Variants in NOTCH1 observed in about 807,000 individuals in gnomAD.
NOTCH1 encodes the protein neurogenic locus notch homolog protein 1.
NOTCH1 carries 37 observed loss-of-function variants against 254.8 expected under a neutral mutation model. That is an observed-to-expected ratio of 0.15 (90% confidence interval 0.11 to 0.19). NOTCH1 has a LOEUF of 0.19. Among genes scored for constraint, NOTCH1 ranks in the 10% least tolerant of loss-of-function variants. The pLI, the probability that NOTCH1 is intolerant of heterozygous loss-of-function variation, is 1.00. For synonymous variants in NOTCH1, 1,731 were observed against 1,618.1 expected (o/e 1.07, Z -1.68); for missense variants, 2,972 against 3,708.6 (o/e 0.80, Z 5.16).
At chr9:136,503,515 C>A (rs1015588169) in intron 26 of NOTCH1, among the ~76,000 whole-genome samples, 185 bp from the exon 27 acceptor site, 1 of 152,166 alleles carries the variant, frequency 6.6e-6, no homozygotes, top group Admixed American at 6.5e-5. Context: ...GCCAGCCCCC[C>A]GACTCCGGCC....
At chr9:136,541,650 G>C (rs1385781153) in intron 2 of NOTCH1, among the ~76,000 whole-genome samples, 2 of 152,226 alleles carry the variant, frequency 1.3e-5, no homozygotes, top group Non-Finnish European at 2.9e-5. Flanking sequence ...CGGGAAGGCA[G>C]AGGCACCTGA....
chr9:136,524,749 T>C (rs548311806), intron 2 of NOTCH1, among the ~76,000 whole-genome samples: 1 of 150,468 alleles, frequency 6.6e-6, no homozygotes, highest in South Asian at 2.1e-4. Context: ...GCGATTCTCC[T>C]GCCTCAGCCT....
chr9:136,509,612 A>C, intron 18 of NOTCH1, 121 bp downstream of exon 18: 1 of 832,308 alleles, frequency 1.2e-6, no homozygotes, highest in East Asian at 2.6e-5. Context: ...GACTCAATGC[A>C]GCCAGCGCTA....
chr9:136,496,094 G>A lies in NOTCH1; in HGVS notation c.7645C>T (p.Arg2549Cys), dbSNP rs200893930. The A allele has an allele frequency of 9.5e-5, 153 of 1,606,792 alleles. No homozygotes were observed. The highest frequency in any genetic ancestry group is 7.4e-4 in the East Asian group (33 of 44,770). Residue 2549 changes from arginine (R) to cysteine (C), a missense_variant, in exon 34 of 34, where the codon CGC (arginine) becomes TGC (cysteine). By Grantham distance (180) the Arg-to-Cys change is radical (BLOSUM62 -3). Coordinates refer to ENST00000651671, the MANE Select transcript of NOTCH1 (RefSeq NM_017617.5). ...PPTSMQSQIA[R>C]IPEAFK Reference sequence around the variant, plus strand: ...GTTTACTTGAAGGCCTCCGGAATGCGGGCGATCTGGGACTGCATGCTGGTG... The same window carrying A: ...GTTTACTTGAAGGCCTCCGGAATGCAGGCGATCTGGGACTGCATGCTGGTG...
rs764191723 is a variant in NOTCH1, at chr9:136,513,392, C to T, written c.2353G>A (p.Gly785Ser). 3.3e-5 allele frequency: 53 copies of T among 1,612,720 alleles called. No homozygotes were observed. The highest frequency in any genetic ancestry group is 2.7e-4 in the Admixed American group (16 of 60,004). Reference protein sequence around the residue: ...YVCTCREGFSGPNCQTNINEC... With the variant: ...YVCTCREGFSSPNCQTNINEC... ...ACTGAGAAACGCGCAGCCCACTCAC[C>T]GCTGAAGCCCTCCCGGCAGGTGCAC... The change falls in exon 14 of 34, where the codon GGT becomes AGT. Residue 785 changes from glycine to serine, a missense_variant and splice_region_variant. By Grantham distance (56) the Gly-to-Ser change is moderately conservative. Coordinates refer to ENST00000651671, the MANE Select transcript of NOTCH1 (RefSeq NM_017617.5). This position sits in a 1 kb window ranked among gnomAD's most constrained non-coding sequence, Gnocchi z 4.7.
intron 31 of NOTCH1, among the ~76,000 whole-genome samples, chr9:136,499,600 G>A (rs1462516232): frequency 1.3e-5 from 2 of 152,216 alleles, no homozygotes; most frequent in Non-Finnish European, 2.9e-5. Context: ...GGTTACAGCT[G>A]GCACTCAGGA....
At position 136,497,280 on chromosome 9, in the gene NOTCH1, C is replaced by T. The variant is rs2133318476; in HGVS notation, c.6459G>A (p.Val2153=). 6.2e-7 allele frequency: 1 copy of T among 1,609,830 alleles called. No individual in the cohort carries two copies. The highest frequency in any genetic ancestry group is 1.1e-5 in the South Asian group (1 of 91,084). The change falls in exon 34 of 34, where the codon GTG becomes GTA. Residue 2153 remains valine (V), a synonymous_variant. Transcript: ENST00000651671. ...NGYLGSLKPG[V]QGKKVRKPSS... is the part of the protein sequence containing the mutation. ...TGGGCTTGCGGACCTTCTTGCCCTG[C>T]ACGCCGGGCTTGAGGCTGCCCAGGT...
intron 32 of NOTCH1, 26 bp downstream of exon 32, chr9:136,499,086 G>A (rs1310822209): frequency 6.2e-7 from 1 of 1,612,848 alleles, no homozygotes; most frequent in Non-Finnish European, 8.5e-7. Flanking sequence ...CCCCACGACA[G>A]AGCAGCCGTG....
Position 136,514,592 on chromosome 9 carries a change from G to C in NOTCH1, c.2125C>G (p.His709Asp). 1 of 1,608,806 alleles carries C rather than the reference G, an allele frequency of 6.2e-7. No homozygotes were observed. The highest frequency in any genetic ancestry group is 8.5e-7 in the Non-Finnish European group (1 of 1,178,550). Reference sequence around the variant, plus strand: ...ACCTCAGACAGGCAGGTGGGGTCGTGGTAGCCCTCGGGGCAGCGGCAGGTG... The same window carrying C: ...ACCTCAGACAGGCAGGTGGGGTCGTCGTAGCCCTCGGGGCAGCGGCAGGTG... ...GFTCRCPEGYHDPTCLSEVNE... is the reference protein window; with the variant it reads ...GFTCRCPEGYDDPTCLSEVNE... Residue 709 changes from histidine (H) to aspartate (D), a missense_variant, in exon 13 of 34, where the codon CAC (histidine) becomes GAC (aspartate). Physicochemically the swap from His to Asp is moderately conservative, Grantham distance 81. This residue lies in a region of NOTCH1 where 1,343 missense variants were observed against 1,557.0 expected (regional missense o/e 0.86). Transcript: ENST00000651671.
chr9:136,508,617 C>T (rs1275008274), intron 19 of NOTCH1, among the ~76,000 whole-genome samples: 4 of 152,226 alleles, frequency 2.6e-5, no homozygotes, highest in African/African-American at 4.8e-5. Flanking sequence ...CTAGAAGGAA[C>T]ACTTTTCCTC....
chr9:136,513,351 G>T lies in NOTCH1; in HGVS notation c.2353+41C>A, dbSNP rs188821710. The T allele has an allele frequency of 4.7e-5, 76 of 1,611,468 alleles. No individual in the cohort carries two copies. The Admixed American group carries it at 1.3e-3, about 27-fold the overall frequency. On this transcript the variant is annotated intron_variant, in intron 14 of 33. Coordinates refer to ENST00000651671, the MANE Select transcript of NOTCH1 (RefSeq NM_017617.5). The surrounding 1 kb of genome is among the most constrained non-coding windows in gnomAD (Gnocchi z 4.7). ...CCTGTGTCTCCAGCTCCCCAGACTC[G>T]AGGGCGGCCCTCTGCACTGAGAAAC... is the stretch of plus-strand genomic sequence containing the variant.
At chr9:136,541,135 A>G (rs1375386914) in intron 2 of NOTCH1, among the ~76,000 whole-genome samples, 1 of 152,130 alleles carries the variant, frequency 6.6e-6, no homozygotes, top group Non-Finnish European at 1.5e-5. Context: ...CACCTCGCAC[A>G]GCAGCTGCCC....
At chr9:136,528,441 A>T (rs3124609) in intron 2 of NOTCH1, among the ~76,000 whole-genome samples, 1 of 2,320 alleles carries the variant, frequency 4.3e-4, no homozygotes, top group Non-Finnish European at 1.1e-3. Flanking sequence ...AGGGACGGTG[A>T]GGGGGGGATG....
rs1843232261 is a variant in NOTCH1 at position 136,514,573 on chromosome 9, G to T, written c.2144C>A (p.Ser715Tyr). The T allele has an allele frequency of 6.2e-7, 1 of 1,608,098 alleles. No individual in the cohort carries two copies. Among genetic ancestry groups the T allele is most frequent in the Non-Finnish European group, 8.5e-7 (1 of 1,178,274 alleles). ...GTTGCTGTTGCACTCATTGACCTCA[G>T]ACAGGCAGGTGGGGTCGTGGTAGCC... is the stretch of plus-strand genomic sequence containing the variant. ...PEGYHDPTCL[S>Y]EVNECNSNPC... Residue 715 changes from serine to tyrosine, a missense_variant, in exon 13 of 34, where the codon TCT (serine) becomes TAT (tyrosine). Physicochemically the swap from Ser to Tyr is moderately radical, Grantham distance 144. This residue lies in a region of NOTCH1 where 1,343 missense variants were observed against 1,557.0 expected (regional missense o/e 0.86). Coordinates refer to ENST00000651671, the MANE Select transcript of NOTCH1 (RefSeq NM_017617.5).
intron 31 of NOTCH1, 77 bp from the exon 32 acceptor site, chr9:136,499,336 A>T (rs2133323569): frequency 1.9e-6 from 3 of 1,563,224 alleles, no homozygotes; most frequent in Non-Finnish European, 2.6e-6. Flanking sequence ...GAACGCCTGG[A>T]CGGGAAGCCC....
chr9:136,513,234 C>T lies in NOTCH1; in HGVS notation c.2354-100G>A. ...TGGGCCTGCTCCCCACCCCAGGCCCCTCCTCATCTCCAAGAGCCAGAGGCC... is the reference window on the plus strand; with the variant it reads ...TGGGCCTGCTCCCCACCCCAGGCCCTTCCTCATCTCCAAGAGCCAGAGGCC... On this transcript the variant is annotated intron_variant, in intron 14 of 33. Coordinates refer to ENST00000651671, the MANE Select transcript of NOTCH1 (RefSeq NM_017617.5). This position sits in a 1 kb window ranked among gnomAD's most constrained non-coding sequence, Gnocchi z 4.7. The T allele has an allele frequency of 4.1e-6, 6 of 1,447,652 alleles. No individual in the cohort carries two copies. The highest frequency in any genetic ancestry group is 1.2e-5 in the South Asian group (1 of 86,390). 89.7% of individuals were successfully genotyped at this position (1,447,652 alleles called of 1,614,324 possible).
At chr9:136,503,009 G>A (rs568026969) in intron 27 of NOTCH1, 173 bp downstream of exon 27, 37 of 943,986 alleles carry the variant, frequency 3.9e-5, no homozygotes, top group African/African-American at 3.6e-4. Flanking sequence ...TGTGACCGCC[G>A]CAGGTGGGGG....
chr9:136,522,199 C>A (rs534360871), intron 4 of NOTCH1, among the ~76,000 whole-genome samples: 9 of 152,198 alleles, frequency 5.9e-5, no homozygotes, highest in East Asian at 3.9e-4. Context: ...GGATGGTCTC[C>A]ATCTCCTGAC....
At chr9:136,533,660 G>C (rs1023871754) in intron 2 of NOTCH1, among the ~76,000 whole-genome samples, 1 of 152,226 alleles carries the variant, frequency 6.6e-6, no homozygotes, top group South Asian at 2.1e-4. Context: ...CCGCAGGGTC[G>C]AGGGCAGGAC....
Sources: allele counts gnomAD v4.1 joint callset (sites outside exome capture counted in the v4.1 genomes callset), GRCh38; gene constraint gnomAD v4.1.1; regional missense constraint gnomAD v4.1.1; non-coding constraint Gnocchi (gnomAD v3.1); transcripts MANE v1.5; gene names NCBI Gene and HGNC (gene_info 2026-07-23, HGNC 2026-07-21).